Variants in SHANK2 observed in about 807,000 individuals in gnomAD.
SHANK2 encodes the protein SH3 and multiple ankyrin repeat domains 2, also known as SH3 and multiple ankyrin repeat domains protein 2.
Under a neutral mutation model 133.7 loss-of-function variants are expected in SHANK2, and 43 were observed. That is an observed-to-expected ratio of 0.32 (90% CI 0.25 to 0.41). The LOEUF is 0.41. SHANK2 is among the 10% of genes least tolerant of loss of function. SHANK2 has a pLI of 1.00. For synonymous variants in SHANK2, 1,017 were observed against 952.8 expected, an observed-to-expected ratio of 1.07 and a Z score of -1.24; for missense variants, 1,994 against 2,235.8, an observed-to-expected ratio of 0.89 and a Z score of 2.18.
chr11:70,910,503 C>T (rs944584691), intron 10 of SHANK2, among the ~76,000 whole-genome samples: 1 of 152,074 alleles, frequency 6.6e-6, no homozygotes, highest in East Asian at 1.9e-4. Context: ...AGTGTCACAC[C>T]CACCGAAAAA....
At chr11:70,558,869 A>T (rs2059868536) in intron 17 of SHANK2, among the ~76,000 whole-genome samples, 1 of 152,220 alleles carries the variant, frequency 6.6e-6, no homozygotes, top group African/African-American at 2.4e-5. Context: ...CAGCTGCTGC[A>T]TGGAGAGAAA....
chr11:71,225,440 T>C (rs1313040603), intron 1 of SHANK2, among the ~76,000 whole-genome samples: 1 of 152,198 alleles, frequency 6.6e-6, no homozygotes, highest in Non-Finnish European at 1.5e-5. Flanking sequence ...ATAGGCAGCA[T>C]GGGGAGCCTG....
intron 17 of SHANK2, among the ~76,000 whole-genome samples, chr11:70,519,477 A>C (rs1295493195): frequency 6.6e-6 from 1 of 152,142 alleles, no homozygotes; most frequent in African/African-American, 2.4e-5. Flanking sequence ...GAGAAACCCT[A>C]TCTCTACTAA....
intron 15 of SHANK2, among the ~76,000 whole-genome samples, chr11:70,697,465 G>A (rs2134477677): frequency 6.6e-6 from 1 of 152,310 alleles, no homozygotes; most frequent in South Asian, 2.1e-4. Context: ...ACAGAAGCAG[G>A]TGGGTGGGTG....
chr11:71,082,073 C>G (rs1265468463), intron 8 of SHANK2, among the ~76,000 whole-genome samples: 3 of 151,332 alleles, frequency 2.0e-5, no homozygotes, highest in African/African-American at 7.2e-5. Flanking sequence ...TCACAATGTC[C>G]CCCCGGAGCC....
rs535047301 is a variant in SHANK2, at chr11:70,472,467, C to T, written c.*402G>A. 2.2e-5 allele frequency: 6 copies of T among 274,340 alleles called. No homozygotes were observed. Among genetic ancestry groups the T allele is most frequent in the South Asian group, 1.7e-4 (4 of 23,686 alleles). 17.0% of individuals were successfully genotyped at this position (274,340 alleles called of 1,614,324 possible). A position where few individuals can be genotyped will look rare whatever the true frequency, so the allele number is the denominator to read the frequency against. ...GGGGCCTGGGGTGGTGAGAGCTGCC[C>T]GGAAAGCAGAGGACGGAGGTCTCAG... On this transcript the variant is annotated 3_prime_UTR_variant, in exon 26 of 26. Coordinates refer to ENST00000601538, the MANE Select transcript of SHANK2 (RefSeq NM_012309.5). This position sits in a 1 kb window ranked among gnomAD's most constrained non-coding sequence, Gnocchi z 4.4.
At chr11:70,929,228 T>C (rs553786894) in intron 10 of SHANK2, among the ~76,000 whole-genome samples, 1 of 152,308 alleles carries the variant, frequency 6.6e-6, no homozygotes, top group South Asian at 2.1e-4. Context: ...AGAGACAGGA[T>C]GCCGAGGTTT....
intron 3 of SHANK2, among the ~76,000 whole-genome samples, chr11:71,129,497 T>C (rs1952256323): frequency 6.6e-6 from 1 of 152,096 alleles, no homozygotes; most frequent in African/African-American, 2.4e-5. Context: ...TTTTAAAAAT[T>C]AGCCAGGCAT....
At chr11:70,879,358 C>G (rs138751235) in intron 11 of SHANK2, among the ~76,000 whole-genome samples, 42 of 152,184 alleles carry the variant, frequency 2.8e-4, no homozygotes, top group Non-Finnish European at 4.3e-4. Flanking sequence ...TATGAGGCTC[C>G]GATATTTGAA....
intron 2 of SHANK2, among the ~76,000 whole-genome samples, chr11:71,197,558 C>G (rs988006220): frequency 1.1e-4 from 17 of 152,246 alleles, no homozygotes; most frequent in African/African-American, 4.1e-4. Context: ...CCCATCTGCT[C>G]TATCAGATGG....
chr11:71,093,124 G>T (rs1951548198), intron 7 of SHANK2, among the ~76,000 whole-genome samples: 1 of 149,222 alleles, frequency 6.7e-6, no homozygotes, highest in South Asian at 2.1e-4. Flanking sequence ...GCCCAGAAAT[G>T]CAGGGCAGGC....
intron 2 of SHANK2, among the ~76,000 whole-genome samples, chr11:71,190,356 G>A (rs1026663161): frequency 3.3e-5 from 5 of 152,198 alleles, no homozygotes; most frequent in East Asian, 1.9e-4. Flanking sequence ...CCAGGCCCTA[G>A]AGGCAGCGGT....
At chr11:70,833,818 C>G (rs1453405625) in intron 11 of SHANK2, among the ~76,000 whole-genome samples, 1 of 152,232 alleles carries the variant, frequency 6.6e-6, no homozygotes, top group Non-Finnish European at 1.5e-5. Context: ...CATTCTCAGT[C>G]TCTCTGGGCA....
intron 17 of SHANK2, among the ~76,000 whole-genome samples, chr11:70,518,947 T>C (rs1554970526): frequency 6.6e-6 from 1 of 152,212 alleles, no homozygotes; most frequent in East Asian, 1.9e-4. Context: ...TCTTGCTCTG[T>C]CACCCAGGCT....
In SHANK2 at chr11:70,798,482, C is replaced by A. The variant is rs781792116; in HGVS notation, c.1738G>T (p.Val580Leu). The A allele has an allele frequency of 2.8e-6, 2 of 718,532 alleles. No homozygotes were observed. The highest frequency in any genetic ancestry group is 5.2e-6 in the Non-Finnish European group (2 of 385,096). 44.5% of individuals were successfully genotyped at this position (718,532 alleles called of 1,614,324 possible). A position where few individuals can be genotyped will look rare whatever the true frequency, so the allele number is the denominator to read the frequency against. Residue 580 changes from valine to leucine, a missense_variant, in exon 14 of 26, where the codon GTG becomes TTG. Around this residue, in one of 5 missense-constraint regions of SHANK2, gnomAD observed 653 missense variants for 563.4 expected, o/e 1.16. Transcript: ENST00000601538. ...CTGGGCTTACACTGGACCTCCTCCA[C>A]GCACTCCGCCGGAAACCATCCGATG... ...GHIGWFPAEC[V>L]EEVQCKPRDS...
intron 11 of SHANK2, among the ~76,000 whole-genome samples, chr11:70,892,809 C>T (rs1949869668): frequency 1.3e-5 from 2 of 152,168 alleles, no homozygotes; most frequent in Non-Finnish European, 2.9e-5. Flanking sequence ...GGAGCTGGAA[C>T]TGGTGGGTAA....
chr11:70,548,154 T>C (rs1207484459), intron 17 of SHANK2, among the ~76,000 whole-genome samples: 1 of 152,232 alleles, frequency 6.6e-6, no homozygotes, highest in Non-Finnish European at 1.5e-5. Flanking sequence ...GTTGCCAGCA[T>C]CCGGGTGGGC....
At chr11:70,857,968 C>T (rs140628904) in intron 11 of SHANK2, among the ~76,000 whole-genome samples, 334 of 152,280 alleles carry the variant, frequency 2.2e-3, no homozygotes, top group African/African-American at 7.3e-3. Context: ...ACCTTGGAAT[C>T]CTTGTACTGT....
chr11:70,903,420 T>TAAAAC (rs1950053000), intron 10 of SHANK2, among the ~76,000 whole-genome samples: 2 of 148,970 alleles, frequency 1.3e-5, no homozygotes, highest in South Asian at 4.2e-4. Flanking sequence ...TAAAATAAAA[T>TAAAAC]AAAATAAAAT....
Sources: allele counts gnomAD v4.1 joint callset (sites outside exome capture counted in the v4.1 genomes callset), GRCh38; gene constraint gnomAD v4.1.1; regional missense constraint gnomAD v4.1.1; non-coding constraint Gnocchi (gnomAD v3.1); transcripts MANE v1.5; gene names NCBI Gene and HGNC (gene_info 2026-07-23, HGNC 2026-07-21).